Variants in AGMO observed in about 807,000 individuals in gnomAD.
AGMO encodes the protein alkylglycerol monooxygenase, also known as glyceryl-ether monooxygenase.
Under a neutral mutation model 60.2 loss-of-function variants are expected in AGMO, and 75 were observed. The observed-to-expected ratio is 1.25, with a 90% CI of 1.03 to 1.51. The LOEUF (loss-of-function observed/expected upper bound fraction) is 1.51. Among genes scored for constraint, AGMO ranks in the 40% most tolerant of loss-of-function variants. The pLI, the probability that AGMO is intolerant of heterozygous loss-of-function variation, is 0.00. For missense variants in AGMO, 763 were observed against 525.5 expected (o/e 1.45, Z -4.42); for synonymous variants, 261 against 177.1 (o/e 1.47, Z -3.76).
At chr7:15,393,280 A>G (rs1432511420) in intron 6 of AGMO, among the ~76,000 whole-genome samples, 1 of 152,208 alleles carries the variant, frequency 6.6e-6, no homozygotes. Context: ...TCAGGGATTC[A>G]GGGTTGCCGA....
chr7:15,280,028 G>C (rs1406554731), intron 12 of AGMO, among the ~76,000 whole-genome samples: 3 of 152,206 alleles, frequency 2.0e-5, no homozygotes, highest in African/African-American at 7.2e-5. Flanking sequence ...GCTGAAATTA[G>C]TGATATAATC....
At chr7:15,335,535 G>A (rs192083783) in intron 12 of AGMO, among the ~76,000 whole-genome samples, 14 of 152,134 alleles carry the variant, frequency 9.2e-5, no homozygotes, top group East Asian at 5.8e-4. Context: ...TTAGTCACTC[G>A]CTTACTTGGA....
At chr7:15,142,921 C>T in the AGMO span, among the ~76,000 whole-genome samples, 3 of 152,170 alleles carry the variant, frequency 2.0e-5, no homozygotes, top group African/African-American at 7.2e-5. Context: ...GTTATGGAAT[C>T]TAGGTACTAT....
At chr7:15,310,656 A>C (rs1386649262) in intron 12 of AGMO, among the ~76,000 whole-genome samples, 1 of 152,096 alleles carries the variant, frequency 6.6e-6, no homozygotes, top group South Asian at 2.1e-4. Context: ...GAGTGCTTCT[A>C]TTTCTGGTAA....
At chr7:15,387,005 C>T (rs531220697) in intron 9 of AGMO, among the ~76,000 whole-genome samples, 104 of 152,246 alleles carry the variant, frequency 6.8e-4, no homozygotes, top group African/African-American at 2.1e-3. Flanking sequence ...GTTCTGGGGG[C>T]CTCAGTTTTT....
Position 15,385,521 on chromosome 7 carries a change from C to T in AGMO, c.999G>A (p.Gln333=). 1 of 1,613,206 alleles carries T rather than the reference C, an allele frequency of 6.2e-7. No individual in the cohort carries two copies. The highest frequency in any genetic ancestry group is 8.5e-7 in the Non-Finnish European group (1 of 1,179,482). ...GTACAACTGTATATATCTTTAATAGCTGAGATGAAGATGATGAGAAGGGAA... is the reference window on the plus strand; with the variant it reads ...GTACAACTGTATATATCTTTAATAGTTGAGATGAAGATGATGAGAAGGGAA... ...KEVPFSSSSS[Q]LLKIYTVVQF... Residue 333 remains glutamine (Q), a synonymous_variant, in exon 10 of 13, where the codon CAG becomes CAA. Transcript: ENST00000342526.
chr7:15,320,238 G>A (rs972020633), intron 12 of AGMO, among the ~76,000 whole-genome samples: 5 of 151,778 alleles, frequency 3.3e-5, no homozygotes, highest in Admixed American at 1.3e-4. Flanking sequence ...TTTTACACAT[G>A]TACCCTAGAA....
At chr7:15,473,626 G>C (rs1252885565) in intron 3 of AGMO, among the ~76,000 whole-genome samples, 1 of 152,058 alleles carries the variant, frequency 6.6e-6, no homozygotes, top group East Asian at 1.9e-4. Flanking sequence ...GCAAAAGCTG[G>C]AAGCATTCTC....
At chr7:15,158,057 T>G in the AGMO span, among the ~76,000 whole-genome samples, 1 of 152,138 alleles carries the variant, frequency 6.6e-6, no homozygotes, top group Non-Finnish European at 1.5e-5. Context: ...ATATTAAATA[T>G]TATATTTTAT....
chr7:15,250,691 G>A (rs981601489), intron 12 of AGMO, among the ~76,000 whole-genome samples: 4 of 152,084 alleles, frequency 2.6e-5, no homozygotes, highest in South Asian at 2.1e-4. Flanking sequence ...TGTAATCCCA[G>A]CACTTTGGGA....
chr7:15,483,605 C>CAAAAAAA (rs1782827289), intron 3 of AGMO, among the ~76,000 whole-genome samples: 44 of 151,084 alleles, frequency 2.9e-4, no homozygotes, highest in Admixed American at 2.5e-3. Context: ...AAACAAAAAA[C>CAAAAAAA]CATAAAATTT....
intron 12 of AGMO, among the ~76,000 whole-genome samples, chr7:15,243,306 C>T (rs936503669): frequency 1.3e-5 from 2 of 152,018 alleles, no homozygotes; most frequent in African/African-American, 4.8e-5. Flanking sequence ...GCATTATTCT[C>T]TAGACTATTC....
rs563772253 is a variant in AGMO at position 15,292,516 on chromosome 7, G to T, written c.1263+72998C>A. ...GCAAAATATGAGGACGACTAGTACT[G>T]TGAACATGATAGTGAGTTCAATTTT... On this transcript the variant is annotated intron_variant, in intron 12 of 12. Transcript: ENST00000342526. Among the ~76,000 whole-genome samples the T allele has an allele frequency of 1.1e-4, 16 of 152,242 alleles. No homozygotes were observed. The South Asian group carries it at 3.3e-3, about 32-fold the overall frequency.
intron 12 of AGMO, among the ~76,000 whole-genome samples, chr7:15,264,290 A>G (rs1783368601): frequency 6.6e-6 from 1 of 151,902 alleles, no homozygotes; most frequent in South Asian, 2.1e-4. Context: ...CTACGTCAAA[A>G]ATGGCATGAG....
intron 5 of AGMO, among the ~76,000 whole-genome samples, chr7:15,402,527 T>A (rs1363554048): frequency 1.3e-5 from 2 of 150,426 alleles, no homozygotes; most frequent in Non-Finnish European, 3.0e-5. Flanking sequence ...ATATTCTCAT[T>A]TGCAGATGGA....
intron 3 of AGMO, among the ~76,000 whole-genome samples, chr7:15,446,137 C>CTA (rs1781691897): frequency 6.6e-6 from 1 of 152,130 alleles, no homozygotes; most frequent in South Asian, 2.1e-4. Context: ...TTGTCAAAGC[C>CTA]TAAGGCCCAT....
intron 12 of AGMO, among the ~76,000 whole-genome samples, chr7:15,302,468 T>G (rs946964770): frequency 4.6e-5 from 7 of 152,160 alleles, no homozygotes; most frequent in Non-Finnish European, 1.0e-4. Context: ...ATTTCAAAAT[T>G]TATTATTTTG....
At chr7:15,406,397 T>C (rs1279753172) in intron 5 of AGMO, among the ~76,000 whole-genome samples, 4 of 141,434 alleles carry the variant, frequency 2.8e-5, no homozygotes, top group African/African-American at 8.0e-5. Context: ...TATATATGTA[T>C]TCCATATGTG....
At chr7:15,556,309 A>G (rs775193974) in intron 2 of AGMO, among the ~76,000 whole-genome samples, 27 of 147,600 alleles carry the variant, frequency 1.8e-4, no homozygotes, top group Non-Finnish European at 3.4e-4. Flanking sequence ...AAAAGTATGC[A>G]TATATATGAT....
Sources: allele counts gnomAD v4.1 joint callset (sites outside exome capture counted in the v4.1 genomes callset), GRCh38; gene constraint gnomAD v4.1.1; transcripts MANE v1.5; gene names NCBI Gene and HGNC (gene_info 2026-07-23, HGNC 2026-07-21).